The following SGCZ variants were observed in gnomAD, a reference collection of about 807,000 sequenced individuals.
The protein encoded by SGCZ is sarcoglycan zeta.
SGCZ carries 40 observed loss-of-function variants against 41.3 expected under a neutral mutation model. The observed-to-expected ratio is 0.97, with a 90% CI of 0.75 to 1.26. The LOEUF (loss-of-function observed/expected upper bound fraction) is 1.26, where lower values mean the gene tolerates loss of function less well. Among genes scored for constraint, SGCZ ranks in the 50% most tolerant of loss-of-function variants. The pLI is 0.00. For synonymous variants in SGCZ, 206 were observed against 137.5 expected, an observed-to-expected ratio of 1.50 and a Z score of -3.49; for missense variants, 552 against 369.8, an observed-to-expected ratio of 1.49 and a Z score of -4.04.
intron 1 of SGCZ, among the ~76,000 whole-genome samples, chr8:15,076,751 C>T (rs905884524): frequency 4.3e-5 from 6 of 138,576 alleles, no homozygotes; most frequent in African/African-American, 1.9e-4. Context: ...ATAAGTCTCT[C>T]TCATTTTTTT....
chr8:14,454,665 T>C (rs1411397333), intron 2 of SGCZ, among the ~76,000 whole-genome samples: 1 of 151,996 alleles, frequency 6.6e-6, no homozygotes, highest in Non-Finnish European at 1.5e-5. Flanking sequence ...ATAATAAAAT[T>C]AGCATGGTAT....
intron 1 of SGCZ, among the ~76,000 whole-genome samples, chr8:15,000,194 T>A (rs1465459578): frequency 6.6e-6 from 1 of 152,114 alleles, no homozygotes; most frequent in East Asian, 1.9e-4. Context: ...GAGAGTCCTG[T>A]AGGAAACCAA....
chr8:14,195,430 A>G (rs1398525433), intron 4 of SGCZ, among the ~76,000 whole-genome samples: 1 of 152,150 alleles, frequency 6.6e-6, no homozygotes, highest in Non-Finnish European at 1.5e-5. Context: ...AGCTGAGTTC[A>G]CGTACTTAGA....
Position 14,801,007 on chromosome 8 carries a change from G to C in SGCZ, c.40-246081C>G, listed in dbSNP as rs189794953. 4.3e-3 allele frequency among the ~76,000 whole-genome samples: 662 copies of C among 152,232 alleles called. 2 individuals carry two copies. The highest frequency in any genetic ancestry group is 0.011 in the East Asian group (59 of 5,178). On this transcript the variant is annotated intron_variant, in intron 1 of 7. Coordinates refer to ENST00000382080, the MANE Select transcript of SGCZ (RefSeq NM_139167.4). ...CAAAGGAAACTAGCTCCGAATACCA[G>C]GTTAACTTTATAACTATAATTTCAA...
Position 14,184,826 on chromosome 8 carries a change from T to G in SGCZ, c.425-20124A>C, listed in dbSNP as rs73526104. On this transcript the variant is annotated intron_variant, in intron 4 of 7. Coordinates refer to ENST00000382080, the MANE Select transcript of SGCZ (RefSeq NM_139167.4). ...TACCTGATATTACTAGAGCAAATTT[T>G]GTTTAACAAAAGTGCCCCTCTAACT... Among the ~76,000 whole-genome samples, 600 of 152,330 alleles carry G rather than the reference T, an allele frequency of 3.9e-3. 2 individuals carry two copies. Among genetic ancestry groups the G allele is most frequent in the African/African-American group, 0.014 (563 of 41,566 alleles).
intron 1 of SGCZ, among the ~76,000 whole-genome samples, chr8:14,772,447 C>CT (rs1279553370): frequency 1.3e-5 from 2 of 150,280 alleles, no homozygotes; most frequent in Non-Finnish European, 3.0e-5. Context: ...CATTATTATA[C>CT]TTTAAGTTTT....
chr8:14,813,398 T>C (rs951139640), intron 1 of SGCZ, among the ~76,000 whole-genome samples: 3 of 152,178 alleles, frequency 2.0e-5, no homozygotes, highest in East Asian at 1.9e-4. Flanking sequence ...CAAAAGCTTA[T>C]GGAAGAGAGA....
chr8:14,429,385 G>A (rs1277174118), intron 2 of SGCZ, among the ~76,000 whole-genome samples: 4 of 152,018 alleles, frequency 2.6e-5, no homozygotes, highest in Non-Finnish European at 5.9e-5. Flanking sequence ...CAATAGCTAG[G>A]GCAAAGTCAC....
At chr8:15,015,544 G>A (rs938790356) in intron 1 of SGCZ, among the ~76,000 whole-genome samples, 6 of 151,670 alleles carry the variant, frequency 4.0e-5, no homozygotes, top group African/African-American at 1.2e-4. Context: ...AAAATTAGGC[G>A]AGTGTGATGG....
At chr8:15,218,380 T>A (rs1020765922) in intron 1 of SGCZ, among the ~76,000 whole-genome samples, 12 of 152,220 alleles carry the variant, frequency 7.9e-5, no homozygotes, top group African/African-American at 2.4e-4. Context: ...AAATTAGGTT[T>A]TAATGCATGC....
intron 1 of SGCZ, among the ~76,000 whole-genome samples, chr8:14,914,447 A>C (rs17120590): frequency 0.01 from 1,581 of 152,202 alleles, 21 homozygotes; most frequent in African/African-American, 0.036. Context: ...CTGTTAGAGG[A>C]ATTTTCTCTA....
intron 2 of SGCZ, among the ~76,000 whole-genome samples, chr8:14,396,056 G>A (rs543447992): frequency 3.9e-5 from 6 of 152,094 alleles, no homozygotes; most frequent in African/African-American, 1.4e-4. Flanking sequence ...ATTTTTAAAT[G>A]TAAGACCAAG....
At chr8:15,127,698 A>C (rs528513099) in intron 1 of SGCZ, among the ~76,000 whole-genome samples, 1 of 152,320 alleles carries the variant, frequency 6.6e-6, no homozygotes, top group African/African-American at 2.4e-5. Flanking sequence ...AACCATCTGC[A>C]ATTCATTTAT....
intron 4 of SGCZ, among the ~76,000 whole-genome samples, chr8:14,216,857 T>C (rs1395113665): frequency 6.6e-6 from 1 of 152,154 alleles, no homozygotes; most frequent in African/African-American, 2.4e-5. Context: ...CCTAACATTG[T>C]ATTCAGCAAA....
intron 1 of SGCZ, among the ~76,000 whole-genome samples, chr8:15,146,800 G>C (rs1452774269): frequency 6.6e-6 from 1 of 151,972 alleles, no homozygotes; most frequent in Admixed American, 6.5e-5. Flanking sequence ...GATCTTTTCT[G>C]AATTATTCTT....
At chr8:14,796,429 T>C (rs1198600052) in intron 1 of SGCZ, among the ~76,000 whole-genome samples, 2 of 152,180 alleles carry the variant, frequency 1.3e-5, no homozygotes, top group Non-Finnish European at 2.9e-5. Flanking sequence ...TATTTTTGTT[T>C]TTTTTCTAAT....
At chr8:15,094,813 G>T (rs551576860) in intron 1 of SGCZ, among the ~76,000 whole-genome samples, 1 of 152,038 alleles carries the variant, frequency 6.6e-6, no homozygotes, top group African/African-American at 2.4e-5. Flanking sequence ...TTTCCCCTTC[G>T]CTCTGACCCA....
rs189516885 is a variant in SGCZ, at chr8:15,041,749, A to G, written c.39+195836T>C. Reference sequence around the variant, plus strand: ...ATGTATAATTTTCAGATTGGGAAAGACTTTTTAATTCTTATATGGGGAACA... The same window carrying G: ...ATGTATAATTTTCAGATTGGGAAAGGCTTTTTAATTCTTATATGGGGAACA... On this transcript the variant is annotated intron_variant, in intron 1 of 7. Transcript: ENST00000382080. Among the ~76,000 whole-genome samples the G allele has an allele frequency of 3.0e-4, 45 of 152,272 alleles. 1 individual carries two copies. The East Asian group carries it at 8.5e-3, about 29-fold the overall frequency.
chr8:15,086,542 G>A (rs1805956093), intron 1 of SGCZ, among the ~76,000 whole-genome samples: 1 of 152,006 alleles, frequency 6.6e-6, no homozygotes, highest in South Asian at 2.1e-4. Flanking sequence ...TGCAATATTT[G>A]AAGTGATAGA....
Sources: allele counts gnomAD v4.1 joint callset (sites outside exome capture counted in the v4.1 genomes callset), GRCh38; gene constraint gnomAD v4.1.1; transcripts MANE v1.5; gene names NCBI Gene and HGNC (gene_info 2026-07-23, HGNC 2026-07-21).